LDHD: variants seen among roughly 807,000 people sequenced by gnomAD.
LDHD encodes the protein D-lactate dehydrogenase, mitochondrial.
A neutral mutation model predicts 52.9 loss-of-function variants in LDHD; 58 were observed. That is an observed-to-expected ratio of 1.10 (90% CI 0.89 to 1.36). LDHD has a LOEUF of 1.36. Among genes scored for constraint, LDHD ranks in the 40% most tolerant of loss-of-function variants. The pLI, the probability that LDHD is intolerant of heterozygous loss-of-function variation, is 0.00. For missense variants in LDHD, 747 were observed against 668.0 expected (o/e 1.12, Z -1.30); for synonymous variants, 350 against 288.6 (o/e 1.21, Z -2.16).
intron 8 of LDHD, 31 bp from the exon 9 acceptor site, chr16:75,112,955 T>G: frequency 1.3e-6 from 2 of 1,544,262 alleles, no homozygotes; most frequent in South Asian, 2.3e-5. Flanking sequence ...GAGTTACCCC[T>G]GCCTGATTGG....
At chr16:75,116,462 T>C (rs2036559026) in intron 1 of LDHD, 187 bp downstream of exon 1, 2 of 525,530 alleles carry the variant, frequency 3.8e-6, no homozygotes, top group East Asian at 3.6e-5. Flanking sequence ...ATGGTAGCAG[T>C]GGGGACTCAG....
intron 3 of LDHD, 83 bp downstream of exon 3, chr16:75,115,115 C>G (rs2036516950): frequency 3.9e-6 from 6 of 1,553,708 alleles, no homozygotes; most frequent in African/African-American, 1.3e-5. Context: ...CCCAAGGTGC[C>G]GTGTGTGGCG....
chr16:75,114,101 T>C lies in LDHD; in HGVS notation c.694A>G (p.Ile232Val), dbSNP rs1292172562. The C allele has an allele frequency of 6.2e-7, 1 of 1,612,206 alleles. No individual in the cohort carries two copies. The highest frequency in any genetic ancestry group is 8.5e-7 in the Non-Finnish European group (1 of 1,179,968). The change falls in exon 6 of 11, where the codon ATC becomes GTC. Residue 232 changes from isoleucine to valine, a missense_variant. Ile to Val is a conservative substitution (Grantham distance 29, BLOSUM62 3). Transcript: ENST00000450168. ...FVGSEGTLGLITATTLRLHPA... is the reference protein window; with the variant it reads ...FVGSEGTLGLVTATTLRLHPA... ...TGCAGGCGCAGGGTGGTGGCTGTGA[T>C]GAGGCCCAGCGTCCCCTCGGAGCCC... is the stretch of plus-strand genomic sequence containing the variant.
Position 75,112,353 on chromosome 16 carries a change from C to G in LDHD, c.*3G>C. On this transcript the variant is annotated 3_prime_UTR_variant, in exon 11 of 11. Transcript: ENST00000450168. The stretch of plus-strand genomic sequence containing the variant: ...ACTTGTGGGCTAAGTGCTCAGACCC[C>G]CTTCACAGCACTTTGCCTGGATTCA... The G allele has an allele frequency of 3.7e-6, 6 of 1,605,880 alleles. No homozygotes were observed. The highest frequency in any genetic ancestry group is 5.1e-6 in the Non-Finnish European group (6 of 1,174,278).
At position 75,112,181 on chromosome 16, in the gene LDHD, A is replaced by G. The variant is rs2036408162; in HGVS notation, c.*175T>C. 4.1e-6 allele frequency: 3 copies of G among 739,904 alleles called. No individual in the cohort carries two copies. Among genetic ancestry groups the G allele is most frequent in the Non-Finnish European group, 6.4e-6 (3 of 466,344 alleles). The allele number at this position is 739,904 out of a possible 1,614,324, so 45.8% of individuals were successfully genotyped here. On this transcript the variant is annotated 3_prime_UTR_variant, in exon 11 of 11. Coordinates refer to ENST00000450168, the MANE Select transcript of LDHD (RefSeq NM_194436.3). Reference sequence around the variant, plus strand: ...GGGCCAGCCAGAGGGCCAGGGAGGTAACACGGTGCTCAGGCTTCTCTCTGG... The same window carrying G: ...GGGCCAGCCAGAGGGCCAGGGAGGTGACACGGTGCTCAGGCTTCTCTCTGG...
In LDHD at chr16:75,115,315, C is replaced by T. The variant is rs777561095; in HGVS notation, c.210G>A (p.Val70=). ...TGACCTGCTCCACGTTCTGGGGCCA[C>T]ACCACAGCATCAGGAGGTTCGCACC... The part of the protein sequence containing the change: ...VHRCEPPDAV[V]WPQNVEQVSR... The change falls in exon 3 of 11, where the codon GTG becomes GTA. Residue 70 remains valine (V), a synonymous_variant. Transcript: ENST00000450168. 3.1e-6 allele frequency: 5 copies of T among 1,613,560 alleles called. No individual in the cohort carries two copies. Among genetic ancestry groups the T allele is most frequent in the Non-Finnish European group, 4.2e-6 (5 of 1,180,032 alleles).
chr16:75,115,297 C>T lies in LDHD; in HGVS notation c.228G>A (p.Glu76=). 7 of 1,613,626 alleles carry T rather than the reference C, an allele frequency of 4.3e-6. No individual in the cohort carries two copies. Among genetic ancestry groups the T allele is most frequent in the Non-Finnish European group, 4.2e-6 (5 of 1,180,022 alleles). The change falls in exon 3 of 11, where the codon GAG becomes GAA. Residue 76 remains glutamate (E), a synonymous_variant. Coordinates refer to ENST00000450168, the MANE Select transcript of LDHD (RefSeq NM_194436.3). ...ACAGGGCTGCCAGCCGGCTGACCTG[C>T]TCCACGTTCTGGGGCCACACCACAG... is the stretch of plus-strand genomic sequence containing the variant. ...PDAVVWPQNV[E]QVSRLAALCY...
Position 75,116,771 on chromosome 16 carries a change from C to G in LDHD, c.-51G>C. 13 of 1,281,262 alleles carry G rather than the reference C, an allele frequency of 1.0e-5. No homozygotes were observed. The highest frequency in any genetic ancestry group is 1.2e-5 in the Non-Finnish European group (11 of 928,324). The allele number at this position is 1,281,262 out of a possible 1,614,324, so 79.4% of individuals were successfully genotyped here. On this transcript the variant is annotated 5_prime_UTR_variant, in exon 1 of 11. Transcript: ENST00000450168. Reference sequence around the variant, plus strand: ...AGCACTGGGTGGCAGGGTGACCAGTCAGCTACTGTGGCAGCAGCTACTGCT... The same window carrying G: ...AGCACTGGGTGGCAGGGTGACCAGTGAGCTACTGTGGCAGCAGCTACTGCT...
In LDHD at chr16:75,112,475, C is replaced by T. The variant is rs200319330; in HGVS notation, c.1336G>A (p.Gly446Arg). Residue 446 changes from glycine (G) to arginine (R), a missense_variant, in exon 11 of 11, where the codon GGA (glycine) becomes AGA (arginine). Gly to Arg is a moderately radical substitution (Grantham distance 125). Transcript: ENST00000450168. Reference protein sequence around the residue: ...HGTCTGEHGIGMGKRQLLQEE... With the variant: ...HGTCTGEHGIRMGKRQLLQEE... ...TGCAGCAGCTGCCGCTTGCCCATTC[C>T]GATGCCATGCTCCCCCGTGCACGTT... The T allele has an allele frequency of 3.5e-4, 570 of 1,613,320 alleles. No homozygotes were observed. Among genetic ancestry groups the T allele is most frequent in the Non-Finnish European group, 4.7e-4 (549 of 1,180,020 alleles).
chr16:75,114,966 G>A lies in LDHD; in HGVS notation c.330C>T (p.Gly110=). Residue 110 remains glycine, a splice_region_variant and synonymous_variant, in exon 4 of 11, where the codon GGC becomes GGT. Coordinates refer to ENST00000450168, the MANE Select transcript of LDHD (RefSeq NM_194436.3). ...TATGCGTCAGGTTAACGCAGACGCCGCCCTGGTTGGGGCAGGTGCTAAGAC... is the reference window on the plus strand; with the variant it reads ...TATGCGTCAGGTTAACGCAGACGCCACCCTGGTTGGGGCAGGTGCTAAGAC... The part of the protein sequence containing the change: ...GLEGGVCAVQ[G]GVCVNLTHMD... 6.2e-7 allele frequency: 1 copy of A among 1,609,416 alleles called. No homozygotes were observed. The highest frequency in any genetic ancestry group is 1.1e-5 in the South Asian group (1 of 90,420).
In LDHD at chr16:75,114,594, C is replaced by T. The variant is rs2036495805; in HGVS notation, c.561G>A (p.Val187=). The part of the protein sequence containing the change: ...AVRYGTMRDN[V]LNLEVVLPDG... ...CGGGCAGCACCACCTCCAGGTTGAG[C>T]ACGTTGTCCCGCATGGTGCCGTAGC... The change falls in exon 5 of 11, where the codon GTG becomes GTA. Residue 187 remains valine (V), a synonymous_variant. Transcript: ENST00000450168. The T allele has an allele frequency of 2.6e-6, 4 of 1,534,174 alleles. No homozygotes were observed. In the South Asian group the frequency reaches 3.6e-5, roughly 14 times the overall value.
rs1173645961 is a variant in LDHD at position 75,112,329 on chromosome 16, C to T, written c.*27G>A. ...CAGAACCGGCTCCGTAGTCAGGGAA[C>T]TTGTGGGCTAAGTGCTCAGACCCCC... On this transcript the variant is annotated 3_prime_UTR_variant, in exon 11 of 11. Transcript: ENST00000450168. 6.3e-7 allele frequency: 1 copy of T among 1,582,166 alleles called. No homozygotes were observed. Among genetic ancestry groups the T allele is most frequent in the African/African-American group, 1.3e-5 (1 of 74,340 alleles).
intron 8 of LDHD, 48 bp from the exon 9 acceptor site, chr16:75,112,972 G>A (rs371424492): frequency 6.3e-6 from 9 of 1,429,408 alleles, no homozygotes; most frequent in Admixed American, 1.8e-5. Flanking sequence ...TTGGGTGTAC[G>A]GGGTCACCGT....
Position 75,114,152 on chromosome 16 carries a change from C to A in LDHD, c.643G>T (p.Gly215Cys). 1 of 1,612,764 alleles carries A rather than the reference C, an allele frequency of 6.2e-7. No homozygotes were observed. The highest frequency in any genetic ancestry group is 8.5e-7 in the Non-Finnish European group (1 of 1,180,000). Reference sequence around the variant, plus strand: ...ACGAAGAGCCCCGTGAGGTTGTAGCCGGCTGCACTCTTCCTACGTCCCAGG... The same window carrying A: ...ACGAAGAGCCCCGTGAGGTTGTAGCAGGCTGCACTCTTCCTACGTCCCAGG... Reference protein sequence around the residue: ...RGRHFRKSAAGYNLTGLFVGS... With the variant: ...RGRHFRKSAACYNLTGLFVGS... The change falls in exon 6 of 11, where the codon GGC becomes TGC. Residue 215 changes from glycine to cysteine, a missense_variant. Physicochemically the swap from Gly to Cys is radical, Grantham distance 159 (BLOSUM62 -3). Coordinates refer to ENST00000450168, the MANE Select transcript of LDHD (RefSeq NM_194436.3).
chr16:75,112,403 C>A lies in LDHD; in HGVS notation c.1408G>T (p.Ala470Ser). ...ATGAGGCCTTGGGGGTCTAGCACGG[C>A]CTTGAGCTGCCGCATGGTCTCCACG... ...VGVETMRQLK[A>S]VLDPQGLMNP... The change falls in exon 11 of 11, where the codon GCC (alanine) becomes TCC (serine). Residue 470 changes from alanine to serine, a missense_variant. By Grantham distance (99) the Ala-to-Ser change is moderately conservative (BLOSUM62 1). Transcript: ENST00000450168. The A allele has an allele frequency of 6.2e-7, 1 of 1,613,492 alleles. No individual in the cohort carries two copies. The highest frequency in any genetic ancestry group is 8.5e-7 in the Non-Finnish European group (1 of 1,180,012).
Position 75,115,589 on chromosome 16 carries a change from C to T in LDHD, c.144G>A (p.Ala48=), listed in dbSNP as rs372903097. 1 of 1,612,840 alleles carries T rather than the reference C, an allele frequency of 6.2e-7. No individual in the cohort carries two copies. The highest frequency in any genetic ancestry group is 1.3e-5 in the African/African-American group (1 of 74,912). Residue 48 remains alanine, a synonymous_variant, in exon 2 of 11, where the codon GCG becomes GCA. Coordinates refer to ENST00000450168, the MANE Select transcript of LDHD (RefSeq NM_194436.3). ...VVGGSHVSTA[A]VVREQHGRDE... Reference sequence around the variant, plus strand: ...CGCGCCCGTGCTGCTCTCGGACCACCGCGGCAGTGGACACGTGGGAGCCGC... The same window carrying T: ...CGCGCCCGTGCTGCTCTCGGACCACTGCGGCAGTGGACACGTGGGAGCCGC...
rs1161744613 is a variant in LDHD, at chr16:75,115,569, C to T, written c.164G>A (p.Gly55Glu). ...ATACCTGTGCACCGACTCATCGCGC[C>T]CGTGCTGCTCTCGGACCACCGCGGC... is the stretch of plus-strand genomic sequence containing the variant. ...STAAVVREQH[G>E]RDESVHRCEP... Residue 55 changes from glycine (G) to glutamate (E), a missense_variant, in exon 2 of 11, where the codon GGG becomes GAG. By Grantham distance (98) the Gly-to-Glu change is moderately conservative. Coordinates refer to ENST00000450168, the MANE Select transcript of LDHD (RefSeq NM_194436.3). 1 of 1,612,970 alleles carries T rather than the reference C, an allele frequency of 6.2e-7. No individual in the cohort carries two copies. The highest frequency in any genetic ancestry group is 1.7e-5 in the Admixed American group (1 of 60,002).
chr16:75,114,524 A>T lies in LDHD; in HGVS notation c.629+2T>A. ...CCCGGGCCCCCCGCAGAGGGCGCTC[A>T]CCGGAAATGCCGGCCTCGGCCCGCC... On this transcript the variant is annotated splice_donor_variant, in intron 5 of 10. Coordinates refer to ENST00000450168, the MANE Select transcript of LDHD (RefSeq NM_194436.3). LOFTEE classifies it high-confidence loss of function. 6.6e-7 allele frequency: 1 copy of T among 1,518,396 alleles called. No individual in the cohort carries two copies. Among genetic ancestry groups the T allele is most frequent in the South Asian group, 1.2e-5 (1 of 82,110 alleles). 94.1% of individuals were successfully genotyped at this position (1,518,396 alleles called of 1,614,324 possible). A position where few individuals can be genotyped will look rare whatever the true frequency, so the allele number is the denominator to read the frequency against.
chr16:75,112,483 T>A lies in LDHD; in HGVS notation c.1328A>T (p.His443Leu). The A allele has an allele frequency of 6.2e-7, 1 of 1,613,416 alleles. No homozygotes were observed. The highest frequency in any genetic ancestry group is 8.5e-7 in the Non-Finnish European group (1 of 1,180,006). The change falls in exon 11 of 11, where the codon CAT becomes CTT. Residue 443 changes from histidine to leucine, a missense_variant. By Grantham distance (99) the His-to-Leu change is moderately conservative. Coordinates refer to ENST00000450168, the MANE Select transcript of LDHD (RefSeq NM_194436.3). ...CTGCCGCTTGCCCATTCCGATGCCA[T>A]GCTCCCCCGTGCACGTTCCGTGGAG... ...LALHGTCTGE[H>L]GIGMGKRQLL...
Sources: allele counts gnomAD v4.1 joint callset, GRCh38; gene constraint gnomAD v4.1.1; transcripts MANE v1.5; gene names NCBI Gene and HGNC (gene_info 2026-07-23, HGNC 2026-07-21).